CLCA1: variants seen among roughly 807,000 people sequenced by gnomAD.
CLCA1 encodes the protein calcium-activated chloride channel regulator 1.
In CLCA1, 59 loss-of-function variants were observed where a neutral mutation model predicts 85.6. That is an observed-to-expected ratio of 0.69 (90% CI 0.56 to 0.86). CLCA1 has a LOEUF of 0.86. CLCA1 is among the 40% of genes least tolerant of loss of function. The pLI is 0.00. For synonymous variants in CLCA1, 396 were observed against 398.3 expected (o/e 0.99, Z 0.07); for missense variants, 1,022 against 1,101.4 (o/e 0.93, Z 1.02).
rs761876958 is a variant in CLCA1 at position 86,498,733 on chromosome 1, C to T, written c.2275C>T (p.Leu759=). The change falls in exon 13 of 14, where the codon CTG becomes TTG. Residue 759 remains leucine (L), a synonymous_variant. Coordinates refer to ENST00000394711, the MANE Select transcript of CLCA1 (RefSeq NM_001285.4). Reference sequence around the variant, plus strand: ...CTTCCCACCTGGCCAAATCACCGACCTGAAGGCGGAAATTCACGGGGGCAG... The same window carrying T: ...CTTCCCACCTGGCCAAATCACCGACTTGAAGGCGGAAATTCACGGGGGCAG... The part of the protein sequence containing the change: ...DLFPPGQITD[L]KAEIHGGSLI... 18 of 1,613,988 alleles carry T rather than the reference C, an allele frequency of 1.1e-5. No homozygotes were observed. The highest frequency in any genetic ancestry group is 3.3e-5 in the Admixed American group (2 of 59,994).
At chr1:86,496,741 AT>A (rs961072114) in intron 12 of CLCA1, among the ~76,000 whole-genome samples, 27 of 147,508 alleles carry the variant, frequency 1.8e-4, no homozygotes, top group Admixed American at 4.7e-4. Flanking sequence ...ATACCACTGC[AT>A]TTTTTTTTTA....
chr1:86,474,767 G>A (rs1202026543), intron 3 of CLCA1, among the ~76,000 whole-genome samples: 2 of 151,914 alleles, frequency 1.3e-5, no homozygotes, highest in African/African-American at 4.8e-5. Flanking sequence ...TTGTATATGA[G>A]GTACATATAA....
intron 4 of CLCA1, among the ~76,000 whole-genome samples, chr1:86,480,729 T>G (rs1398648725): frequency 6.6e-6 from 1 of 152,226 alleles, no homozygotes; most frequent in Non-Finnish European, 1.5e-5. Flanking sequence ...ATGAGATTCA[T>G]TTATTGTCTA....
intron 3 of CLCA1, among the ~76,000 whole-genome samples, chr1:86,474,278 A>G (rs1324139972): frequency 6.6e-6 from 1 of 152,238 alleles, no homozygotes; most frequent in Non-Finnish European, 1.5e-5. Context: ...CATTCAAATT[A>G]TATATGAATC....
At chr1:86,476,424 G>GT in intron 3 of CLCA1, 24 bp from the exon 4 acceptor site, 1 of 1,267,772 alleles carries the variant, frequency 7.9e-7, no homozygotes. Context: ...ATTGTAATCA[G>GT]TTTTTTAAAA....
At chr1:86,482,407 C>T (rs780415222) in intron 5 of CLCA1, 25 bp downstream of exon 5, 2 of 1,595,788 alleles carry the variant, frequency 1.3e-6, no homozygotes, top group Non-Finnish European at 1.7e-6. Flanking sequence ...CTCACCCCCT[C>T]CCCCAGATTC....
chr1:86,494,680 A>C (rs183989731), intron 11 of CLCA1, among the ~76,000 whole-genome samples: 10 of 152,330 alleles, frequency 6.6e-5, no homozygotes, highest in Admixed American at 2.0e-4. Flanking sequence ...CAATAGATTC[A>C]GTCTCTGGGG....
intron 7 of CLCA1, 23 bp from the exon 8 acceptor site, chr1:86,488,973 C>A: frequency 6.2e-7 from 1 of 1,602,826 alleles, no homozygotes; most frequent in Non-Finnish European, 8.5e-7. Context: ...TCTGATAACT[C>A]GTGCCCTAAA....
intron 13 of CLCA1, 117 bp downstream of exon 13, chr1:86,498,928 CTTG>C: frequency 9.0e-7 from 1 of 1,114,496 alleles, no homozygotes; most frequent in East Asian, 2.4e-5. Flanking sequence ...CAGGAGGGAT[CTTG>C]CCGGTCCTTT....
chr1:86,487,325 T>C (rs1337739767), intron 7 of CLCA1, among the ~76,000 whole-genome samples: 1 of 152,180 alleles, frequency 6.6e-6, no homozygotes, highest in Non-Finnish European at 1.5e-5. Flanking sequence ...TACCAAACCC[T>C]TGCTGTGCAA....
chr1:86,494,026 C>G (rs1648207460), intron 10 of CLCA1, among the ~76,000 whole-genome samples, 161 bp from the exon 11 acceptor site: 1 of 152,192 alleles, frequency 6.6e-6, no homozygotes, highest in Admixed American at 6.5e-5. Context: ...TTCAAACACA[C>G]TGAAGCTCCC....
Position 86,486,017 on chromosome 1 carries a change from G to GGAGAGAGAGAGAGAGAGAGA in CLCA1, c.954+462_954+481dup, listed in dbSNP as rs35497869. Among the ~76,000 whole-genome samples the GGAGAGAGAGAGAGAGAGAGA allele has an allele frequency of 5.3e-3, 781 of 147,378 alleles. 13 individuals carry two copies. Among genetic ancestry groups the GGAGAGAGAGAGAGAGAGAGA allele is most frequent in the African/African-American group, 0.018 (735 of 39,898 alleles). On this transcript the variant is annotated intron_variant, in intron 6 of 13. Transcript: ENST00000394711. ...GGCAGGCATGTCTTACATGGCAGCA[G>GGAGAGAGAGAGAGAGAGAGA]GAGAGAGAGAGAGAGAGAGAGAGAG...
intron 9 of CLCA1, among the ~76,000 whole-genome samples, chr1:86,491,598 C>T (rs1291009880): frequency 6.6e-6 from 1 of 152,180 alleles, no homozygotes; most frequent in Admixed American, 6.5e-5. Flanking sequence ...GAATTCCTCA[C>T]AGAAGTCAGC....
rs749828008 is a variant in CLCA1 at position 86,499,834 on chromosome 1, A to C, written c.2534A>C (p.Gln845Pro). The change falls in exon 14 of 14, where the codon CAG becomes CCG. Residue 845 changes from glutamine to proline, a missense_variant. Coordinates refer to ENST00000394711, the MANE Select transcript of CLCA1 (RefSeq NM_001285.4). The stretch of plus-strand genomic sequence containing the variant: ...GGCACAGATCTTTTCATTGCTATTC[A>C]GGCTGTTGATAAGGTCGATCTGAAA... The part of the protein sequence containing the change: ...ENGTDLFIAI[Q>P]AVDKVDLKSE... The C allele has an allele frequency of 6.2e-7, 1 of 1,613,204 alleles. No homozygotes were observed. Among genetic ancestry groups the C allele is most frequent in the Non-Finnish European group, 8.5e-7 (1 of 1,179,094 alleles).
At chr1:86,493,286 T>A (rs1648185633) in intron 9 of CLCA1, 98 bp from the exon 10 acceptor site, 1 of 865,358 alleles carries the variant, frequency 1.2e-6, no homozygotes, top group Admixed American at 2.1e-5. Context: ...ATCACTGAAG[T>A]CTTTTTAATG....
rs1415431159 is a variant in CLCA1, at chr1:86,486,511, T to G, written c.955-15T>G. The G allele has an allele frequency of 2.5e-6, 4 of 1,612,208 alleles. No individual in the cohort carries two copies. Among genetic ancestry groups the G allele is most frequent in the Non-Finnish European group, 3.4e-6 (4 of 1,178,692 alleles). Reference sequence around the variant, plus strand: ...ATCTAAACGTAACCTGTTTTTCTTTTGCTTCTCCATTTAGACTGGTAACCG... The same window carrying G: ...ATCTAAACGTAACCTGTTTTTCTTTGGCTTCTCCATTTAGACTGGTAACCG... On this transcript the variant is annotated splice_polypyrimidine_tract_variant and intron_variant, in intron 6 of 13. Transcript: ENST00000394711.
At chr1:86,478,379 A>T (rs1647731684) in intron 4 of CLCA1, among the ~76,000 whole-genome samples, 1 of 151,646 alleles carries the variant, frequency 6.6e-6, no homozygotes, top group Non-Finnish European at 1.5e-5. Flanking sequence ...GTGAGCCGAG[A>T]TCACACCACT....
At chr1:86,498,409 CG>C (rs1648358069) in intron 12 of CLCA1, among the ~76,000 whole-genome samples, 162 bp from the exon 13 acceptor site, 1 of 150,304 alleles carries the variant, frequency 6.7e-6, no homozygotes, top group East Asian at 2.0e-4. Flanking sequence ...CTGATGAAAC[CG>C]TATTTGTGGT....
chr1:86,478,026 G>A (rs916036793), intron 4 of CLCA1, among the ~76,000 whole-genome samples: 11 of 152,238 alleles, frequency 7.2e-5, no homozygotes, highest in African/African-American at 2.4e-4. Flanking sequence ...TCTCGCACAG[G>A]ACCATTACTG....
Sources: gnomAD v4.1 joint callset for allele counts (sites outside exome capture counted in the v4.1 genomes callset) on GRCh38, gnomAD v4.1.1 for gene constraint, MANE v1.5 for transcripts, NCBI Gene and HGNC (gene_info 2026-07-23, HGNC 2026-07-21) for gene names.